RASEF: variants seen among roughly 807,000 people sequenced by gnomAD.
RASEF encodes the protein ras and EF-hand domain-containing protein.
In RASEF, 68 loss-of-function variants were observed where a neutral mutation model predicts 90.1. The observed-to-expected ratio is 0.75, with a 90% confidence interval of 0.62 to 0.92. The LOEUF is 0.92. RASEF is among the 40% of genes least tolerant of loss of function. The pLI is 0.00. For missense variants in RASEF, 949 were observed against 937.2 expected, an observed-to-expected ratio of 1.01 and a Z score of -0.16; for synonymous variants, 331 against 345.2, an observed-to-expected ratio of 0.96 and a Z score of 0.46.
At chr9:83,115,648 C>G in the RASEF span, among the ~76,000 whole-genome samples, 3 of 152,116 alleles carry the variant, frequency 2.0e-5, no homozygotes, top group African/African-American at 7.2e-5. Context: ...CCAACCACTC[C>G]CCATTAGAAC....
At chr9:83,145,271 T>A in the RASEF span, among the ~76,000 whole-genome samples, 2 of 151,860 alleles carry the variant, frequency 1.3e-5, no homozygotes, top group Admixed American at 1.3e-4. Context: ...GTCTCTGGAG[T>A]GGAGTTGTAC....
At chr9:83,136,381 A>G in the RASEF span, among the ~76,000 whole-genome samples, 1 of 152,120 alleles carries the variant, frequency 6.6e-6, no homozygotes, top group South Asian at 2.1e-4. Context: ...AACACCTTTA[A>G]TGTAGAAATA....
intron 16 of RASEF, among the ~76,000 whole-genome samples, chr9:82,985,314 A>G (rs2118359104): frequency 6.6e-6 from 1 of 152,342 alleles, no homozygotes; most frequent in Admixed American, 6.5e-5. Flanking sequence ...GAGAGAAGCA[A>G]AAGTGGAAAC....
chr9:83,112,414 G>A, the RASEF span, among the ~76,000 whole-genome samples: 1 of 152,204 alleles, frequency 6.6e-6, no homozygotes, highest in Non-Finnish European at 1.5e-5. Flanking sequence ...GCTGAGCGCG[G>A]CGGCTCACGC....
Position 82,987,506 on chromosome 9 carries a change from G to A in RASEF, c.2117+2885C>T, listed in dbSNP as rs538721761. Among the ~76,000 whole-genome samples, 4 of 152,176 alleles carry A rather than the reference G, an allele frequency of 2.6e-5. No homozygotes were observed. The East Asian group carries it at 7.7e-4, about 29-fold the overall frequency. On this transcript the variant is annotated intron_variant, in intron 16 of 16. Coordinates refer to ENST00000376447, the MANE Select transcript of RASEF (RefSeq NM_152573.4). ...AAGTAAACACACACAAGCTAGTGTCGAAGCTTCATTGTAAGCAGGGCCAAC... is the reference window on the plus strand; with the variant it reads ...AAGTAAACACACACAAGCTAGTGTCAAAGCTTCATTGTAAGCAGGGCCAAC...
the RASEF span, among the ~76,000 whole-genome samples, chr9:83,209,747 G>T: frequency 2.1e-3 from 316 of 152,254 alleles, 2 homozygotes; most frequent in African/African-American, 7.1e-3. Flanking sequence ...TATAATGACT[G>T]TCATGTCACT....
chr9:83,006,326 T>C (rs867442391), intron 7 of RASEF, among the ~76,000 whole-genome samples: 2 of 152,172 alleles, frequency 1.3e-5, no homozygotes, highest in Non-Finnish European at 1.5e-5. Context: ...ACTAGCCCCA[T>C]AAGGGGAAAG....
intron 15 of RASEF, 111 bp from the exon 16 acceptor site, chr9:82,990,578 G>T: frequency 1.5e-6 from 1 of 665,490 alleles, no homozygotes; most frequent in Non-Finnish European, 2.5e-6. Flanking sequence ...CATGCTAAGA[G>T]TAACTAATAG....
At chr9:83,167,718 C>T in the RASEF span, among the ~76,000 whole-genome samples, 1 of 152,114 alleles carries the variant, frequency 6.6e-6, no homozygotes, top group African/African-American at 2.4e-5. Flanking sequence ...CATCTACTTT[C>T]TGTCTATACA....
At chr9:82,990,522 AT>A in intron 15 of RASEF, 55 bp from the exon 16 acceptor site, 1 of 1,322,822 alleles carries the variant, frequency 7.6e-7, no homozygotes, top group Non-Finnish European at 1.1e-6. Flanking sequence ...GTTTCCTGAA[AT>A]TTTAGCTTTT....
intron 14 of RASEF, among the ~76,000 whole-genome samples, chr9:82,994,796 T>TA (rs2118409863): frequency 6.6e-6 from 1 of 152,344 alleles, no homozygotes; most frequent in Admixed American, 6.5e-5. Context: ...ATAATTCTAT[T>TA]ACAAGATTTT....
chr9:83,062,935 C>A lies in RASEF; in HGVS notation c.-68G>T. On this transcript the variant is annotated 5_prime_UTR_variant, in exon 1 of 17. Coordinates refer to ENST00000376447, the MANE Select transcript of RASEF (RefSeq NM_152573.4). The stretch of plus-strand genomic sequence containing the variant: ...GGGCGCAGGGCCCTCCCTGGAAGGA[C>A]GGGGCCACCTGCTGCCGCCGGGAGG... 3 of 1,352,580 alleles carry A rather than the reference C, an allele frequency of 2.2e-6. No homozygotes were observed. Among genetic ancestry groups the A allele is most frequent in the South Asian group, 3.5e-5 (2 of 57,074 alleles). 83.8% of individuals were successfully genotyped at this position (1,352,580 alleles called of 1,614,324 possible).
the RASEF span, among the ~76,000 whole-genome samples, chr9:83,096,095 CA>C: frequency 1.3e-5 from 2 of 152,260 alleles, no homozygotes; most frequent in Non-Finnish European, 2.9e-5. Flanking sequence ...ATCTGTAGAA[CA>C]AGAATTGGAC....
the RASEF span, among the ~76,000 whole-genome samples, chr9:83,202,650 G>T: frequency 2.0e-3 from 302 of 151,956 alleles, 3 homozygotes; most frequent in Non-Finnish European, 1.6e-3. Flanking sequence ...TTGTTTTTTT[G>T]TTTGTTTGTT....
chr9:83,186,694 T>C, the RASEF span, among the ~76,000 whole-genome samples: 4 of 152,188 alleles, frequency 2.6e-5, no homozygotes, highest in South Asian at 8.3e-4. Context: ...TAGCCTACCT[T>C]GTAAATAGTG....
chr9:83,060,396 T>C (rs964926665), intron 1 of RASEF, among the ~76,000 whole-genome samples: 1 of 152,230 alleles, frequency 6.6e-6, no homozygotes, highest in African/African-American at 2.4e-5. Context: ...AAATGTTCTT[T>C]GCCTTTAAAT....
At chr9:83,205,131 G>A in the RASEF span, among the ~76,000 whole-genome samples, 5 of 152,326 alleles carry the variant, frequency 3.3e-5, no homozygotes, top group South Asian at 1.0e-3. Flanking sequence ...CAAAGTTGAT[G>A]AAATCTTTGG....
intron 16 of RASEF, 44 bp from the exon 17 acceptor site, chr9:82,982,826 AGAGAGAG>A (rs1414341875): frequency 1.8e-6 from 2 of 1,129,740 alleles, no homozygotes; most frequent in South Asian, 2.5e-5. Flanking sequence ...AGAGAGAGAG[AGAGAGAG>A]GATTACTGAG....
At chr9:83,163,048 C>T in the RASEF span, among the ~76,000 whole-genome samples, 1 of 152,268 alleles carries the variant, frequency 6.6e-6, no homozygotes, top group African/African-American at 2.4e-5. Flanking sequence ...AACTATTTAA[C>T]CAGAACCTAA....
Sources: allele counts gnomAD v4.1 joint callset (sites outside exome capture counted in the v4.1 genomes callset), GRCh38; gene constraint gnomAD v4.1.1; transcripts MANE v1.5; gene names NCBI Gene and HGNC (gene_info 2026-07-23, HGNC 2026-07-21).